The following TBCE variants were observed in gnomAD, a reference collection of about 807,000 sequenced individuals.
The protein encoded by TBCE is tubulin-specific chaperone E.
TBCE carries 53 observed loss-of-function variants against 77.0 expected under a neutral mutation model. The ratio of observed to expected loss-of-function variants is 0.69; its 90% CI spans 0.55 to 0.87. The LOEUF (loss-of-function observed/expected upper bound fraction) is 0.87. Ranked by LOEUF, TBCE falls within the 40% of genes least tolerant of loss-of-function variation. The pLI, the probability that TBCE is intolerant of heterozygous loss-of-function variation, is 0.00. For synonymous variants in TBCE, 235 were observed against 241.3 expected (o/e 0.97, Z 0.24); for missense variants, 624 against 622.4 (o/e 1.00, Z -0.03).
intron 9 of TBCE, 91 bp downstream of exon 9, chr1:235,435,931 AC>A: frequency 9.0e-7 from 1 of 1,110,834 alleles, no homozygotes; most frequent in Non-Finnish European, 1.4e-6. Context: ...CTCAATAGAA[AC>A]GTGGTAACAA....
rs777465048 is a variant in TBCE, at chr1:235,427,285, C to T, written c.560+46C>T. ...AATCTTCATTAACAATAAAGCTCATCTCTCCTTGCTTCCTCACAGCATCTC... is the reference window on the plus strand; with the variant it reads ...AATCTTCATTAACAATAAAGCTCATTTCTCCTTGCTTCCTCACAGCATCTC... On this transcript the variant is annotated intron_variant, in intron 6 of 16. Transcript: ENST00000642610. 10 of 1,378,048 alleles carry T rather than the reference C, an allele frequency of 7.3e-6. No individual in the cohort carries two copies. The South Asian group carries it at 1.2e-4, about 16-fold the overall frequency. The allele number at this position is 1,378,048 out of a possible 1,614,324, so 85.4% of individuals were successfully genotyped here. A position where few individuals can be genotyped will look rare whatever the true frequency, so the allele number is the denominator to read the frequency against.
intron 2 of TBCE, among the ~76,000 whole-genome samples, chr1:235,394,446 G>C (rs999373511): frequency 1.8e-4 from 7 of 39,524 alleles, no homozygotes; most frequent in African/African-American, 7.4e-4. Flanking sequence ...TTTTTTTTGA[G>C]ACAGGTTGTC....
chr1:235,405,341 A>G (rs61836196), intron 3 of TBCE, among the ~76,000 whole-genome samples: 5 of 145,194 alleles, frequency 3.4e-5, no homozygotes, highest in African/African-American at 7.7e-5. Context: ...TTTTTTTTTA[A>G]TAAGTAGGAG....
chr1:235,439,359 G>A lies in TBCE; in HGVS notation c.1270+437G>A, dbSNP rs560101961. On this transcript the variant is annotated intron_variant, in intron 13 of 16. Coordinates refer to ENST00000642610, the MANE Select transcript of TBCE (RefSeq NM_003193.5). The stretch of plus-strand genomic sequence containing the variant: ...ACAAAAAAAAAAATGAGCCGGGCGT[G>A]GTGGCGGGCACCTGTAGTCCCAGCT... Among the ~76,000 whole-genome samples the A allele has an allele frequency of 2.5e-4, 37 of 150,902 alleles. No homozygotes were observed. The East Asian group carries it at 3.8e-3, about 16-fold the overall frequency.
At chr1:235,382,716 C>T (rs1250053621) in intron 2 of TBCE, among the ~76,000 whole-genome samples, 3 of 149,532 alleles carry the variant, frequency 2.0e-5, no homozygotes, top group African/African-American at 7.4e-5. Flanking sequence ...TGGATATTAG[C>T]CCTTTGTCAG....
intron 1 of TBCE, among the ~76,000 whole-genome samples, chr1:235,371,287 C>T (rs1028038867): frequency 6.6e-6 from 1 of 150,918 alleles, no homozygotes; most frequent in South Asian, 2.1e-4. Flanking sequence ...AACTTCTGAC[C>T]TCAAATGATC....
chr1:235,440,855 T>C, intron 13 of TBCE: 1 of 152,256 alleles, frequency 6.6e-6, no homozygotes, highest in Non-Finnish European at 1.5e-5. Flanking sequence ...TTCTTCAGGC[T>C]TTGAAGCTAA....
chr1:235,436,686 C>T (rs1189307834), intron 11 of TBCE, 78 bp downstream of exon 11: 1 of 1,383,444 alleles, frequency 7.2e-7, no homozygotes, highest in Non-Finnish European at 1.0e-6. Flanking sequence ...GTTCCTTCTA[C>T]CAAAAAAGTA....
intron 1 of TBCE, among the ~76,000 whole-genome samples, chr1:235,376,316 T>C (rs1677295581): frequency 6.6e-6 from 1 of 152,190 alleles, no homozygotes; most frequent in Admixed American, 6.6e-5. Flanking sequence ...TTCCCATTGA[T>C]GGCTGCCCCC....
intron 12 of TBCE, among the ~76,000 whole-genome samples, chr1:235,438,426 T>A (rs1450089590): frequency 6.6e-6 from 1 of 152,054 alleles, no homozygotes; most frequent in African/African-American, 2.4e-5. Context: ...CATGCACCTG[T>A]AATCCCAGCT....
intron 3 of TBCE, 141 bp downstream of exon 3, chr1:235,401,728 A>G (rs1679116637): frequency 4.2e-6 from 3 of 717,218 alleles, no homozygotes; most frequent in Non-Finnish European, 7.1e-6. Flanking sequence ...AAAGGCAGTT[A>G]TTTTATTTGT....
At chr1:235,421,391 G>A (rs1197191165) in intron 5 of TBCE, among the ~76,000 whole-genome samples, 1 of 152,104 alleles carries the variant, frequency 6.6e-6, no homozygotes, top group Non-Finnish European at 1.5e-5. Context: ...CTTCAGCCTG[G>A]GAGACCCCGT....
chr1:235,438,839 C>G lies in TBCE; in HGVS notation c.1187C>G (p.Ala396Gly). The G allele has an allele frequency of 6.2e-7, 1 of 1,614,114 alleles. No homozygotes were observed. Among genetic ancestry groups the G allele is most frequent in the Non-Finnish European group, 8.5e-7 (1 of 1,180,020 alleles). The change falls in exon 13 of 17, where the codon GCT becomes GGT. Residue 396 changes from alanine (A) to glycine (G), a missense_variant. Ala to Gly is a moderately conservative substitution (Grantham distance 60, BLOSUM62 0). Coordinates refer to ENST00000642610, the MANE Select transcript of TBCE (RefSeq NM_003193.5). ...GCTTTTGGAAATGAGTGGAAACAGG[C>G]TGGTGGACATAAGGATCCGGAAAAA... ...RKAFGNEWKQ[A>G]GGHKDPEKNR...
At chr1:235,408,065 T>G (rs1478374047) in intron 3 of TBCE, among the ~76,000 whole-genome samples, 1 of 152,226 alleles carries the variant, frequency 6.6e-6, no homozygotes, top group African/African-American at 2.4e-5. Flanking sequence ...GAATCTAACT[T>G]TAATACTTAG....
At chr1:235,388,427 T>C (rs1678168985) in intron 2 of TBCE, among the ~76,000 whole-genome samples, 1 of 151,976 alleles carries the variant, frequency 6.6e-6, no homozygotes, top group African/African-American at 2.4e-5. Context: ...TAGCTGGGAT[T>C]ACGGGGACCC....
At chr1:235,382,035 G>T (rs999786623) in intron 2 of TBCE, among the ~76,000 whole-genome samples, 1 of 140,474 alleles carries the variant, frequency 7.1e-6, no homozygotes, top group Admixed American at 7.8e-5. Context: ...TCATTGTTCA[G>T]TTCCCACCTA....
chr1:235,441,828 G>A lies in TBCE; in HGVS notation c.1285G>A (p.Glu429Lys). The A allele has an allele frequency of 6.2e-7, 1 of 1,613,952 alleles. No homozygotes were observed. Among genetic ancestry groups the A allele is most frequent in the Non-Finnish European group, 8.5e-7 (1 of 1,179,946 alleles). ...TTCTTAAACAGAATATGGTGCACCT[G>A]AAGATTGGGAACTCAAAACACAGCA... ...QFLCLKYGAP[E>K]DWELKTQQPL... The change falls in exon 14 of 17, where the codon GAA (glutamate) becomes AAA (lysine). Residue 429 changes from glutamate (E) to lysine (K), a missense_variant. Coordinates refer to ENST00000642610, the MANE Select transcript of TBCE (RefSeq NM_003193.5).
intron 2 of TBCE, among the ~76,000 whole-genome samples, chr1:235,389,476 T>A (rs1227596412): frequency 6.6e-6 from 1 of 152,104 alleles, no homozygotes; most frequent in Non-Finnish European, 1.5e-5. Context: ...TACAGGCACC[T>A]GCCACCACAC....
At chr1:235,387,180 G>A (rs1002084509) in intron 2 of TBCE, among the ~76,000 whole-genome samples, 4 of 152,240 alleles carry the variant, frequency 2.6e-5, no homozygotes, top group South Asian at 2.1e-4. Flanking sequence ...AGGAGTACCC[G>A]GCCGTGTGAG....
Sources: gnomAD v4.1 joint callset for allele counts (sites outside exome capture counted in the v4.1 genomes callset) on GRCh38, gnomAD v4.1.1 for gene constraint, MANE v1.5 for transcripts, NCBI Gene and HGNC (gene_info 2026-07-23, HGNC 2026-07-21) for gene names.